Variants in GPHN observed in about 807,000 individuals in gnomAD.
GPHN encodes the protein gephyrin.
In GPHN, 17 loss-of-function variants were observed where a neutral mutation model predicts 95.5. The ratio of observed to expected loss-of-function variants is 0.18; its 90% CI spans 0.12 to 0.27. GPHN has a LOEUF of 0.27. Ranked by LOEUF, GPHN falls within the 10% of genes least tolerant of loss-of-function variation. GPHN has a pLI of 1.00. For missense variants in GPHN, 660 were observed against 978.1 expected, an observed-to-expected ratio of 0.67 and a Z score of 4.34; for synonymous variants, 320 against 322.5, an observed-to-expected ratio of 0.99 and a Z score of 0.08.
intron 3 of GPHN, among the ~76,000 whole-genome samples, chr14:66,790,763 A>G (rs113594652): frequency 0.011 from 1,673 of 152,306 alleles, 26 homozygotes; most frequent in African/African-American, 0.037. Context: ...CACCCATTGC[A>G]GTGACACTGA....
the GPHN span, among the ~76,000 whole-genome samples, chr14:67,502,081 C>T: frequency 2.0e-5 from 3 of 152,136 alleles, no homozygotes; most frequent in Non-Finnish European, 4.4e-5. Flanking sequence ...ACTTGTAATA[C>T]CAACACTTTG....
chr14:67,577,317 G>A, the GPHN span: 1 of 1,571,304 alleles, frequency 6.4e-7, no homozygotes, highest in Non-Finnish European at 8.6e-7. Context: ...CCGCTCTGGA[G>A]GCACCCCATG....
At chr14:66,895,873 T>C (rs1394697291) in intron 5 of GPHN, among the ~76,000 whole-genome samples, 2 of 152,176 alleles carry the variant, frequency 1.3e-5, no homozygotes, top group East Asian at 3.9e-4. Flanking sequence ...TTTTAAAAAA[T>C]TGACTATTGT....
the GPHN span, chr14:67,589,318 T>C: frequency 3.1e-6 from 3 of 975,816 alleles, no homozygotes; most frequent in Non-Finnish European, 3.7e-6. Flanking sequence ...GGATTCAATA[T>C]TTGCTTATTT....
the GPHN span, chr14:67,572,142 C>T: frequency 1.2e-6 from 2 of 1,606,628 alleles, no homozygotes; most frequent in Non-Finnish European, 1.7e-6. Context: ...AAGGCGTCTC[C>T]ATGTCCTCAC....
At chr14:67,435,055 C>T in the GPHN span, among the ~76,000 whole-genome samples, 1 of 151,856 alleles carries the variant, frequency 6.6e-6, no homozygotes, top group South Asian at 2.1e-4. Context: ...CAGCCTCCTC[C>T]TCCTGGGTTC....
chr14:66,884,868 G>T (rs1342206766), intron 5 of GPHN, among the ~76,000 whole-genome samples: 10 of 150,130 alleles, frequency 6.7e-5, no homozygotes, highest in South Asian at 2.1e-4. Flanking sequence ...CATAAAAAGA[G>T]AAATTGATTG....
the GPHN span, among the ~76,000 whole-genome samples, chr14:67,657,598 G>GCACACA: frequency 3.6e-5 from 4 of 112,372 alleles, no homozygotes; most frequent in East Asian, 3.2e-4. Context: ...GCGCGCGCGT[G>GCACACA]CACACACACA....
At position 66,877,230 on chromosome 14, in the gene GPHN, C is replaced by T. The variant is rs185023058; in HGVS notation, c.295-2709C>T. Among the ~76,000 whole-genome samples, 10 of 152,214 alleles carry T rather than the reference C, an allele frequency of 6.6e-5. 1 individual carries two copies. The highest frequency in any genetic ancestry group is 1.7e-4 in the African/African-American group (7 of 41,534). ...CTCAATAAACTAGGTATTGATGGAACGTATCTCAAAATAATAAGAGCTATT... is the reference window on the plus strand; with the variant it reads ...CTCAATAAACTAGGTATTGATGGAATGTATCTCAAAATAATAAGAGCTATT... On this transcript the variant is annotated intron_variant, in intron 4 of 22. Transcript: ENST00000478722.
chr14:67,001,549 T>A (rs1383583193), intron 9 of GPHN, among the ~76,000 whole-genome samples: 1 of 151,644 alleles, frequency 6.6e-6, no homozygotes, highest in East Asian at 1.9e-4. Flanking sequence ...CATAGAAATC[T>A]TCTAGTTATC....
At chr14:67,063,463 G>A (rs2075907006) in intron 11 of GPHN, among the ~76,000 whole-genome samples, 1 of 152,142 alleles carries the variant, frequency 6.6e-6, no homozygotes, top group Admixed American at 6.6e-5. Context: ...TTCCAATTCT[G>A]TGAAGAAAGT....
intron 2 of GPHN, among the ~76,000 whole-genome samples, chr14:66,774,247 C>A (rs1159764471): frequency 2.0e-5 from 3 of 151,938 alleles, no homozygotes; most frequent in Non-Finnish European, 4.4e-5. Flanking sequence ...CGTGATCCGC[C>A]CGCCTCGGGC....
chr14:67,486,635 C>G, the GPHN span, among the ~76,000 whole-genome samples: 1 of 152,172 alleles, frequency 6.6e-6, no homozygotes, highest in African/African-American at 2.4e-5. Flanking sequence ...TGCTACCAAC[C>G]TTGTAATATG....
chr14:67,264,676 T>TG, the GPHN span, among the ~76,000 whole-genome samples: 1 of 152,212 alleles, frequency 6.6e-6, no homozygotes, highest in African/African-American at 2.4e-5. Flanking sequence ...AAATTGTAAA[T>TG]GCAACAGTGT....
chr14:67,518,507 G>A, the GPHN span, among the ~76,000 whole-genome samples: 3 of 152,204 alleles, frequency 2.0e-5, no homozygotes, highest in African/African-American at 2.4e-5. Context: ...GCCCCGCCAC[G>A]GTAGGCAGTA....
chr14:67,434,089 A>G, the GPHN span, among the ~76,000 whole-genome samples: 1 of 152,236 alleles, frequency 6.6e-6, no homozygotes, highest in South Asian at 2.1e-4. Context: ...TAAAGAACAG[A>G]TCTAACTATA....
chr14:67,598,148 C>T, the GPHN span, among the ~76,000 whole-genome samples: 2 of 152,162 alleles, frequency 1.3e-5, no homozygotes, highest in African/African-American at 2.4e-5. Context: ...CAGATTTCTT[C>T]TCATTCCAGA....
intron 1 of GPHN, among the ~76,000 whole-genome samples, chr14:66,635,199 T>C (rs1313279327): frequency 6.6e-6 from 1 of 152,144 alleles, no homozygotes; most frequent in East Asian, 1.9e-4. Context: ...AGGTGACCAA[T>C]TGGTAGCTGC....
chr14:67,487,462 T>G, the GPHN span, among the ~76,000 whole-genome samples: 1 of 152,198 alleles, frequency 6.6e-6, no homozygotes, highest in African/African-American at 2.4e-5. Context: ...GGGGATATAA[T>G]TTTAGAATCC....
Sources: gnomAD v4.1 joint callset for allele counts (sites outside exome capture counted in the v4.1 genomes callset) on GRCh38, gnomAD v4.1.1 for gene constraint, MANE v1.5 for transcripts, NCBI Gene and HGNC (gene_info 2026-07-23, HGNC 2026-07-21) for gene names.